Variants in CNTN5 observed in about 807,000 individuals in gnomAD.
CNTN5 encodes contactin-5.
In CNTN5, 77 loss-of-function variants were observed where a neutral mutation model predicts 129.1. That is an observed-to-expected ratio of 0.60 (90% CI 0.50 to 0.72). The LOEUF is 0.72. Among genes scored for constraint, CNTN5 ranks in the 30% least tolerant of loss-of-function variants. The pLI, the probability that CNTN5 is intolerant of heterozygous loss-of-function variation, is 0.00. For synonymous variants in CNTN5, 509 were observed against 465.6 expected, an observed-to-expected ratio of 1.09 and a Z score of -1.20; for missense variants, 1,478 against 1,328.8, an observed-to-expected ratio of 1.11 and a Z score of -1.75.
intron 3 of CNTN5, among the ~76,000 whole-genome samples, chr11:99,614,163 G>C (rs914965722): frequency 6.6e-6 from 1 of 152,158 alleles, no homozygotes; most frequent in Non-Finnish European, 1.5e-5. Flanking sequence ...GCAACAAGCT[G>C]TAATTGCATT....
chr11:100,029,456 G>A (rs768708031), intron 9 of CNTN5, among the ~76,000 whole-genome samples: 7 of 151,948 alleles, frequency 4.6e-5, no homozygotes, highest in Admixed American at 2.6e-4. Flanking sequence ...GGTGGCAGGC[G>A]CCTGTAGTCC....
intron 21 of CNTN5, among the ~76,000 whole-genome samples, chr11:100,321,298 T>G (rs1425246636): frequency 6.6e-6 from 1 of 151,774 alleles, no homozygotes; most frequent in Non-Finnish European, 1.5e-5. Context: ...AGTATTTTTT[T>G]TTTTTTTTGG....
At chr11:99,742,684 C>G (rs1943923626) in intron 3 of CNTN5, among the ~76,000 whole-genome samples, 1 of 152,160 alleles carries the variant, frequency 6.6e-6, no homozygotes, top group South Asian at 2.1e-4. Context: ...CATGACAAGT[C>G]AGCAGCTGTG....
intron 2 of CNTN5, among the ~76,000 whole-genome samples, chr11:99,421,153 G>A (rs752175098): frequency 1.0e-4 from 15 of 144,806 alleles, no homozygotes; most frequent in African/African-American, 2.6e-4. Flanking sequence ...TTTTTTTTCC[G>A]CCTAATAAAT....
At chr11:99,022,396 T>G (rs754288654) in intron 1 of CNTN5, among the ~76,000 whole-genome samples, 1 of 152,184 alleles carries the variant, frequency 6.6e-6, no homozygotes, top group Non-Finnish European at 1.5e-5. Flanking sequence ...TGATTAATAT[T>G]GTGACTCTCA....
chr11:99,184,403 T>C (rs1858236568), intron 1 of CNTN5, among the ~76,000 whole-genome samples: 1 of 152,070 alleles, frequency 6.6e-6, no homozygotes, highest in African/African-American at 2.4e-5. Flanking sequence ...ACTTGGCAAA[T>C]TTCTCAATCC....
At chr11:100,158,949 G>A (rs1947347634) in intron 13 of CNTN5, among the ~76,000 whole-genome samples, 1 of 151,850 alleles carries the variant, frequency 6.6e-6, no homozygotes, top group African/African-American at 2.4e-5. Context: ...ATAAATTCAT[G>A]ACAGTGTATT....
At chr11:99,993,046 C>T (rs1003525350) in intron 8 of CNTN5, among the ~76,000 whole-genome samples, 5 of 152,164 alleles carry the variant, frequency 3.3e-5, no homozygotes, top group African/African-American at 7.2e-5. Flanking sequence ...TGATCTTTGA[C>T]TGTGTGTCTT....
chr11:100,282,326 T>C (rs1395498029), intron 18 of CNTN5, among the ~76,000 whole-genome samples: 6 of 152,246 alleles, frequency 3.9e-5, no homozygotes, highest in Non-Finnish European at 8.8e-5. Context: ...GTAATGTAGT[T>C]CTTGGAGACT....
intron 3 of CNTN5, among the ~76,000 whole-genome samples, chr11:99,598,045 T>G (rs1225943988): frequency 6.6e-6 from 1 of 152,116 alleles, no homozygotes; most frequent in Non-Finnish European, 1.5e-5. Flanking sequence ...TTCTGAGCCA[T>G]TAGGATGTGT....
rs566327591 is a variant in CNTN5 at position 99,050,715 on chromosome 11, C to A, written c.-210+29445C>A. The stretch of plus-strand genomic sequence containing the variant: ...TGCATTACATATATTTAGCAACTTA[C>A]AATTTTTAGGGGCTTCTTAGAGTTT... On this transcript the variant is annotated intron_variant, in intron 1 of 24. Coordinates refer to ENST00000524871, the MANE Select transcript of CNTN5 (RefSeq NM_014361.4). Among the ~76,000 whole-genome samples the A allele has an allele frequency of 8.5e-4, 128 of 151,302 alleles. 1 individual carries two copies. In the South Asian group the frequency reaches 0.011, roughly 13 times the overall value.
At chr11:100,067,057 T>C (rs565661469) in intron 10 of CNTN5, among the ~76,000 whole-genome samples, 2 of 152,164 alleles carry the variant, frequency 1.3e-5, no homozygotes, top group South Asian at 4.1e-4. Flanking sequence ...CCATATAGTA[T>C]AGACCTAGTG....
intron 1 of CNTN5, among the ~76,000 whole-genome samples, chr11:99,158,979 TTATAGA>T (rs2135508595): frequency 6.6e-6 from 1 of 152,278 alleles, no homozygotes; most frequent in African/African-American, 2.4e-5. Flanking sequence ...ACTTGGATAA[TTATAGA>T]TGTAGAATTA....
rs144650823 is a variant in CNTN5, at chr11:99,534,437, G to A, written c.-70-21708G>A. 1.6e-3 allele frequency among the ~76,000 whole-genome samples: 241 copies of A among 152,154 alleles called. 2 individuals carry two copies. The highest frequency in any genetic ancestry group is 5.3e-3 in the African/African-American group (221 of 41,536). ...ACCGTAGGATAGAAAAGGACTTTAC[G>A]TAGCTCATAACATCTGATATAAATA... is the stretch of plus-strand genomic sequence containing the variant. On this transcript the variant is annotated intron_variant, in intron 2 of 24. Transcript: ENST00000524871.
chr11:99,527,224 C>T (rs771003775), intron 2 of CNTN5, among the ~76,000 whole-genome samples: 1 of 152,192 alleles, frequency 6.6e-6, no homozygotes, highest in African/African-American at 2.4e-5. Flanking sequence ...TGAGACTTCT[C>T]TCAAGGATTA....
intron 3 of CNTN5, among the ~76,000 whole-genome samples, chr11:99,729,836 G>A (rs1943470397): frequency 6.6e-6 from 1 of 152,142 alleles, no homozygotes; most frequent in Non-Finnish European, 1.5e-5. Context: ...CTTATAAGTG[G>A]GAGCTGAACA....
In CNTN5 at chr11:100,340,707, T is replaced by A. The variant is rs1952139788; in HGVS notation, c.2917+58T>A. On this transcript the variant is annotated intron_variant, in intron 22 of 24. Coordinates refer to ENST00000524871, the MANE Select transcript of CNTN5 (RefSeq NM_014361.4). ...CAAAGGGGAAACATCGTATAACATT[T>A]CTCAAAGCCACGTGAGGTGCATAAT... The A allele has an allele frequency of 4.8e-6, 7 of 1,455,968 alleles. No homozygotes were observed. In the Middle Eastern group the frequency reaches 6.5e-4, roughly 134 times the overall value. 90.2% of individuals were successfully genotyped at this position (1,455,968 alleles called of 1,614,324 possible). A position where few individuals can be genotyped will look rare whatever the true frequency, so the allele number is the denominator to read the frequency against.
At chr11:99,556,786 G>A (rs543157378) in intron 3 of CNTN5, among the ~76,000 whole-genome samples, 9 of 150,308 alleles carry the variant, frequency 6.0e-5, no homozygotes, top group Non-Finnish European at 1.2e-4. Context: ...CTAACACAAT[G>A]TATTTTTTCA....
chr11:100,257,645 A>T (rs543667450), intron 17 of CNTN5, among the ~76,000 whole-genome samples: 108 of 152,258 alleles, frequency 7.1e-4, no homozygotes, highest in African/African-American at 1.9e-3. Flanking sequence ...CCCAGGCAAA[A>T]TGGGTCTGAA....
Sources: gnomAD v4.1 joint callset for allele counts (sites outside exome capture counted in the v4.1 genomes callset) on GRCh38, gnomAD v4.1.1 for gene constraint, MANE v1.5 for transcripts, NCBI Gene and HGNC (gene_info 2026-07-23, HGNC 2026-07-21) for gene names.